Variants in KCNT2 observed in about 807,000 individuals in gnomAD.
KCNT2 encodes the protein potassium channel subfamily T member 2.
Under a neutral mutation model 153.8 loss-of-function variants are expected in KCNT2, and 67 were observed. The observed-to-expected ratio is 0.44, with a 90% confidence interval of 0.36 to 0.53. The LOEUF (loss-of-function observed/expected upper bound fraction) is 0.53, where lower values mean the gene tolerates loss of function less well. Ranked by LOEUF, KCNT2 falls within the 20% of genes least tolerant of loss-of-function variation. The probability of loss-of-function intolerance (pLI) is 0.00; values close to 1 mark genes in which losing one functional copy is unlikely to be tolerated. For synonymous variants in KCNT2, 500 were observed against 458.8 expected, an observed-to-expected ratio of 1.09 and a Z score of -1.15; for missense variants, 975 against 1,354.8, an observed-to-expected ratio of 0.72 and a Z score of 4.40.
chr1:196,566,853 A>AT (rs748909444), intron 1 of KCNT2, among the ~76,000 whole-genome samples: 3 of 152,100 alleles, frequency 2.0e-5, no homozygotes, highest in Non-Finnish European at 4.4e-5. Context: ...AAATTATTAG[A>AT]TTTAGTACTT....
In KCNT2 at chr1:196,279,280, ACTGT is replaced by A. The variant is rs377381041; in HGVS notation, c.2910+1576_2910+1579del. 2.1e-3 allele frequency among the ~76,000 whole-genome samples: 316 copies of A among 152,146 alleles called. 2 individuals carry two copies. Among genetic ancestry groups the A allele is most frequent in the Non-Finnish European group, 2.8e-3 (191 of 67,998 alleles). On this transcript the variant is annotated intron_variant, in intron 25 of 27. Coordinates refer to ENST00000294725, the MANE Select transcript of KCNT2 (RefSeq NM_198503.5). ...TCTAGACAAACATCTTACATATTTA[ACTGT>A]CTGGTTTGTTTTTCCAGTCAGTCAT...
At chr1:196,404,500 G>A (rs531854271) in intron 12 of KCNT2, among the ~76,000 whole-genome samples, 46 of 151,644 alleles carry the variant, frequency 3.0e-4, no homozygotes, top group African/African-American at 1.1e-3. Context: ...TCTCTCTAGC[G>A]ATAATGCACA....
intron 14 of KCNT2, among the ~76,000 whole-genome samples, chr1:196,355,396 C>A (rs970100846): frequency 6.6e-6 from 1 of 151,546 alleles, no homozygotes; most frequent in African/African-American, 2.4e-5. Context: ...CAGGTGGAAC[C>A]GGAAAGCTGT....
chr1:196,374,271 C>T (rs1668766080), intron 13 of KCNT2, among the ~76,000 whole-genome samples: 1 of 151,712 alleles, frequency 6.6e-6, no homozygotes, highest in Non-Finnish European at 1.5e-5. Context: ...AAAATGAATA[C>T]ATAACACCAT....
chr1:196,591,991 G>T (rs1663413447), intron 1 of KCNT2, among the ~76,000 whole-genome samples: 1 of 152,126 alleles, frequency 6.6e-6, no homozygotes, highest in South Asian at 2.1e-4. Flanking sequence ...CCATGTGGTA[G>T]TAAAGCTTCA....
At chr1:196,408,209 G>A (rs541718301) in intron 12 of KCNT2, among the ~76,000 whole-genome samples, 54 of 151,268 alleles carry the variant, frequency 3.6e-4, no homozygotes, top group African/African-American at 1.3e-3. Context: ...TATATATACT[G>A]TTTTCCCTTT....
At chr1:196,370,555 C>A (rs7531291) in intron 14 of KCNT2, among the ~76,000 whole-genome samples, 151,183 of 151,360 alleles carry the variant, frequency 1, 75,503 homozygotes, top group Middle Eastern at 1. Flanking sequence ...TAAAAAAAAG[C>A]GCGGATAATT....
chr1:196,472,772 G>T (rs1477961296), intron 5 of KCNT2, among the ~76,000 whole-genome samples: 1 of 152,016 alleles, frequency 6.6e-6, no homozygotes, highest in African/African-American at 2.4e-5. Flanking sequence ...CTACTAATTT[G>T]TAAATAGATC....
intron 3 of KCNT2, among the ~76,000 whole-genome samples, chr1:196,487,592 A>G (rs1033136586): frequency 6.6e-6 from 1 of 152,002 alleles, no homozygotes; most frequent in African/African-American, 2.4e-5. Flanking sequence ...TCCTACTTCA[A>G]TCTAAAAAAT....
rs201147327 is a variant in KCNT2 at position 196,424,964 on chromosome 1, G to GA, written c.1121+887dup. ...ATGCACACTCAGGTTATCCAGGAAAGAAAAAAAAAAGTATAAAGCACTTAT... is the reference window on the plus strand; with the variant it reads ...ATGCACACTCAGGTTATCCAGGAAAGAAAAAAAAAAAGTATAAAGCACTTAT... On this transcript the variant is annotated intron_variant, in intron 11 of 27. Transcript: ENST00000294725. 9.6e-5 allele frequency among the ~76,000 whole-genome samples: 14 copies of GA among 145,186 alleles called. No homozygotes were observed. In the East Asian group the frequency reaches 1.2e-3, roughly 12 times the overall value.
chr1:196,585,470 T>C (rs940335329), intron 1 of KCNT2, among the ~76,000 whole-genome samples: 9 of 152,096 alleles, frequency 5.9e-5, no homozygotes, highest in African/African-American at 1.4e-4. Flanking sequence ...ATCTAAACAA[T>C]TAATACTAAT....
chr1:196,373,093 T>G lies in KCNT2; in HGVS notation c.1403+47A>C, dbSNP rs764396923. 1.1e-5 allele frequency: 10 copies of G among 907,596 alleles called. No individual in the cohort carries two copies. The East Asian group carries it at 2.5e-4, about 23-fold the overall frequency. 56.2% of individuals were successfully genotyped at this position (907,596 alleles called of 1,614,324 possible). On this transcript the variant is annotated intron_variant, in intron 14 of 27. Transcript: ENST00000294725. ...TTAAATCACATAACTGCCCTTATTG[T>G]TTTTTATATAATTTAAAAGGTTAAC... is the stretch of plus-strand genomic sequence containing the variant.
intron 1 of KCNT2, among the ~76,000 whole-genome samples, chr1:196,575,175 C>G (rs1269409113): frequency 6.6e-6 from 1 of 152,148 alleles, no homozygotes; most frequent in African/African-American, 2.4e-5. Flanking sequence ...CTATGATCTG[C>G]ATTGTTTTAA....
chr1:196,318,842 T>G (rs1037945940), intron 20 of KCNT2, among the ~76,000 whole-genome samples: 5 of 151,768 alleles, frequency 3.3e-5, no homozygotes, highest in Non-Finnish European at 7.4e-5. Context: ...GCATTTTATT[T>G]TGAAGGCTCT....
chr1:196,498,162 C>T (rs879709963), intron 1 of KCNT2, among the ~76,000 whole-genome samples: 4 of 151,942 alleles, frequency 2.6e-5, no homozygotes, highest in African/African-American at 9.7e-5. Flanking sequence ...ATGCAATTTT[C>T]CTGATTCACT....
intron 8 of KCNT2, among the ~76,000 whole-genome samples, chr1:196,437,238 A>G (rs1674781479): frequency 8.7e-6 from 1 of 114,882 alleles, no homozygotes; most frequent in South Asian, 3.1e-4. Context: ...GCTTATATAT[A>G]TATATATTTA....
At chr1:196,409,278 C>A (rs1213478829) in intron 12 of KCNT2, among the ~76,000 whole-genome samples, 1 of 151,262 alleles carries the variant, frequency 6.6e-6, no homozygotes, top group Non-Finnish European at 1.5e-5. Flanking sequence ...CCGCCTTTTG[C>A]ATTAAATATA....
chr1:196,290,306 C>T (rs973807264), intron 22 of KCNT2, among the ~76,000 whole-genome samples: 1 of 151,982 alleles, frequency 6.6e-6, no homozygotes, highest in African/African-American at 2.4e-5. Flanking sequence ...CTTTTCACAT[C>T]ACTCTATCTC....
At chr1:196,331,346 A>G (rs1664440373) in intron 17 of KCNT2, 85 bp from the exon 18 acceptor site, 2 of 772,084 alleles carry the variant, frequency 2.6e-6, no homozygotes, top group Admixed American at 1.9e-5. Flanking sequence ...CTGTTTTAAT[A>G]ACATTATAAT....
Sources: allele counts gnomAD v4.1 joint callset (sites outside exome capture counted in the v4.1 genomes callset), GRCh38; gene constraint gnomAD v4.1.1; transcripts MANE v1.5; gene names NCBI Gene and HGNC (gene_info 2026-07-23, HGNC 2026-07-21).